ANK3: variants seen among roughly 807,000 people sequenced by gnomAD.
ANK3 encodes the protein ankyrin 3, also known as ankyrin-3.
In ANK3, 57 loss-of-function variants were observed where a neutral mutation model predicts 370.9. The ratio of observed to expected loss-of-function variants is 0.15; its 90% CI spans 0.12 to 0.19. ANK3 has a LOEUF of 0.19. ANK3 is among the 10% of genes least tolerant of loss of function. The pLI, the probability that ANK3 is intolerant of heterozygous loss-of-function variation, is 1.00. For synonymous variants in ANK3, 1,929 were observed against 1,946.3 expected (o/e 0.99, Z 0.23); for missense variants, 4,439 against 5,302.1 (o/e 0.84, Z 5.06).
chr10:60,228,532 CAAAA>C (rs72450397), intron 8 of ANK3, among the ~76,000 whole-genome samples: 1 of 94,888 alleles, frequency 1.1e-5, no homozygotes. Flanking sequence ...ACTGTGTCTC[CAAAA>C]AAAAAAAAAA....
At chr10:60,307,798 AATAATTTAAAGCATTAATATCCTCTCT>A (rs1317541147) in intron 1 of ANK3, among the ~76,000 whole-genome samples, 1 of 152,196 alleles carries the variant, frequency 6.6e-6, no homozygotes, top group African/African-American at 2.4e-5. Context: ...CTTTTCATGT[AATAATTTAAAGCATTAATATCCTCTCT>A]AGCCACTCTT....
chr10:60,209,967 T>A (rs1203670613), intron 9 of ANK3, among the ~76,000 whole-genome samples: 1 of 152,044 alleles, frequency 6.6e-6, no homozygotes, highest in Non-Finnish European at 1.5e-5. Context: ...TCATCTGCCC[T>A]ATGGAAAGAG....
intron 25 of ANK3, among the ~76,000 whole-genome samples, chr10:60,114,828 G>A (rs912547562): frequency 1.3e-5 from 2 of 152,190 alleles, no homozygotes; most frequent in African/African-American, 4.8e-5. Flanking sequence ...TTGAAGCATC[G>A]AGAACTAAAA....
intron 1 of ANK3, among the ~76,000 whole-genome samples, chr10:60,630,917 T>C (rs2078474563): frequency 6.6e-6 from 1 of 152,140 alleles, no homozygotes; most frequent in Non-Finnish European, 1.5e-5. Context: ...ATGGTATGAC[T>C]TGTGCCAAGG....
At chr10:60,569,081 A>C (rs1032902151) in intron 2 of ANK3, among the ~76,000 whole-genome samples, 8 of 152,144 alleles carry the variant, frequency 5.3e-5, no homozygotes, top group African/African-American at 1.9e-4. Flanking sequence ...AAGCTAATAC[A>C]GATGCTAAAG....
chr10:60,694,636 C>T (rs1342543778), intron 1 of ANK3, among the ~76,000 whole-genome samples: 1 of 152,162 alleles, frequency 6.6e-6, no homozygotes. Context: ...AATTTCATAT[C>T]CAGCAAAACT....
chr10:60,143,987 A>G (rs1053695450), intron 23 of ANK3, among the ~76,000 whole-genome samples: 5 of 152,102 alleles, frequency 3.3e-5, no homozygotes, highest in Admixed American at 6.5e-5. Flanking sequence ...GAGAGAGAGA[A>G]AGAGAAATGC....
intron 43 of ANK3, among the ~76,000 whole-genome samples, chr10:60,041,028 G>A (rs1219386568): frequency 6.6e-6 from 1 of 152,188 alleles, no homozygotes; most frequent in Non-Finnish European, 1.5e-5. Flanking sequence ...CTACATTGAT[G>A]TCATCCTTCA....
chr10:60,462,948 G>A (rs1382274853), intron 2 of ANK3, among the ~76,000 whole-genome samples: 1 of 151,932 alleles, frequency 6.6e-6, no homozygotes, highest in African/African-American at 2.4e-5. Context: ...TTGTCTCCCA[G>A]GCTGGAGTTC....
At position 60,231,498 on chromosome 10, in the gene ANK3, T is replaced by C. The variant is rs146844756; in HGVS notation, c.897+3190A>G. ...AAGTACTTGGTGGGAGGCAGATGGA[T>C]AGATAACGGTATCTATTTTCTCAGG... On this transcript the variant is annotated intron_variant, in intron 8 of 43. Transcript: ENST00000280772. 6.1e-3 allele frequency among the ~76,000 whole-genome samples: 930 copies of C among 152,270 alleles called. 5 individuals carry two copies. Among genetic ancestry groups the C allele is most frequent in the Admixed American group, 0.015 (233 of 15,288 alleles).
chr10:60,110,822 C>T (rs867865831), intron 26 of ANK3, among the ~76,000 whole-genome samples: 1 of 152,116 alleles, frequency 6.6e-6, no homozygotes, highest in Admixed American at 6.5e-5. Flanking sequence ...AAACGATTCA[C>T]GACAAACTCT....
chr10:60,446,105 G>T (rs759922687), intron 2 of ANK3, among the ~76,000 whole-genome samples: 1 of 152,152 alleles, frequency 6.6e-6, no homozygotes, highest in Non-Finnish European at 1.5e-5. Context: ...GCCTTGATGC[G>T]TTGATGCCGG....
chr10:60,366,013 G>C (rs2059336898), intron 1 of ANK3, among the ~76,000 whole-genome samples: 1 of 152,130 alleles, frequency 6.6e-6, no homozygotes, highest in South Asian at 2.1e-4. Context: ...TCTCTCACCT[G>C]TTAAGGGCAA....
chr10:60,527,194 T>TA (rs1045428087), intron 2 of ANK3, among the ~76,000 whole-genome samples: 2 of 152,088 alleles, frequency 1.3e-5, no homozygotes, highest in Non-Finnish European at 2.9e-5. Context: ...AAACACCATT[T>TA]AAAAAATACT....
chr10:60,065,888 A>G (rs1314343830), intron 38 of ANK3, among the ~76,000 whole-genome samples: 1 of 152,164 alleles, frequency 6.6e-6, no homozygotes, highest in East Asian at 1.9e-4. Context: ...TCTATTGGAT[A>G]TTTTTTTATG....
rs182722055 is a variant in ANK3, at chr10:60,484,568, C to T, written c.96+130618G>A. Among the ~76,000 whole-genome samples the T allele has an allele frequency of 3.1e-3, 475 of 152,078 alleles. 5 individuals are homozygous for T. Among genetic ancestry groups the T allele is most frequent in the Non-Finnish European group, 3.9e-3 (263 of 68,006 alleles). ...TATTCTCTGTTAAAAAAAATCTAGG[C>T]TGTTAATTATCAGAAAGAATTGAGT... is the stretch of plus-strand genomic sequence containing the variant. On this transcript the variant is annotated intron_variant, in intron 2 of 43. Coordinates refer to the ANK3 transcript ENST00000373827.
intron 2 of ANK3, among the ~76,000 whole-genome samples, chr10:60,456,122 C>T (rs1257497053): frequency 1.3e-5 from 2 of 152,144 alleles, no homozygotes; most frequent in East Asian, 1.9e-4. Context: ...AACTGTCCTC[C>T]CAATTAGTGG....
chr10:60,161,297 G>A (rs1342661404), intron 23 of ANK3, among the ~76,000 whole-genome samples: 1 of 152,076 alleles, frequency 6.6e-6, no homozygotes, highest in Non-Finnish European at 1.5e-5. Flanking sequence ...ATGTAAATTA[G>A]TACAGTTACT....
At chr10:60,692,705 A>C (rs2133404854) in intron 1 of ANK3, among the ~76,000 whole-genome samples, 1 of 152,350 alleles carries the variant, frequency 6.6e-6, no homozygotes, top group South Asian at 2.1e-4. Flanking sequence ...GAAAGAAATC[A>C]GACTCTAACA....
Sources: gnomAD v4.1 joint callset for allele counts (sites outside exome capture counted in the v4.1 genomes callset) on GRCh38, gnomAD v4.1.1 for gene constraint, MANE v1.5 for transcripts, NCBI Gene and HGNC (gene_info 2026-07-23, HGNC 2026-07-21) for gene names.